The following BEND5 variants were observed in gnomAD, a reference collection of about 807,000 sequenced individuals.
BEND5 encodes the protein BEN domain containing 5.
A neutral mutation model predicts 43.9 loss-of-function variants in BEND5; 22 were observed. The ratio of observed to expected loss-of-function variants is 0.50; its 90% CI spans 0.36 to 0.72. The LOEUF (loss-of-function observed/expected upper bound fraction) is 0.72. Among genes scored for constraint, BEND5 ranks in the 30% least tolerant of loss-of-function variants. The pLI is 0.00. For missense variants in BEND5, 428 were observed against 550.6 expected (o/e 0.78, Z 2.23); for synonymous variants, 228 against 225.9 (o/e 1.01, Z -0.08).
At chr1:48,735,378 G>A (rs1162265071) in intron 5 of BEND5, among the ~76,000 whole-genome samples, 1 of 151,968 alleles carries the variant, frequency 6.6e-6, no homozygotes, top group Non-Finnish European at 1.5e-5. Context: ...GCAAAGAATG[G>A]ATGGATGGAG....
intron 5 of BEND5, among the ~76,000 whole-genome samples, chr1:48,732,520 G>A (rs1250422592): frequency 6.6e-6 from 1 of 150,898 alleles, no homozygotes; most frequent in Admixed American, 6.6e-5. Flanking sequence ...ACTTGGAGTA[G>A]GGTGATGTGA....
chr1:48,744,111 A>G (rs1372715391), intron 3 of BEND5, among the ~76,000 whole-genome samples: 1 of 152,196 alleles, frequency 6.6e-6, no homozygotes, highest in Non-Finnish European at 1.5e-5. Flanking sequence ...TTACAGATAT[A>G]GAACCTGGCA....
intron 5 of BEND5, among the ~76,000 whole-genome samples, chr1:48,731,381 T>C (rs1648101156): frequency 6.6e-6 from 1 of 152,216 alleles, no homozygotes; most frequent in South Asian, 2.1e-4. Context: ...ATGTATGGCC[T>C]TGGGCAAGTT....
intron 3 of BEND5, among the ~76,000 whole-genome samples, chr1:48,750,576 T>G (rs1651544413): frequency 6.6e-6 from 1 of 152,206 alleles, no homozygotes; most frequent in Admixed American, 6.5e-5. Flanking sequence ...TGTCTGCTGT[T>G]GAGACTGTGA....
rs549619887 is a variant in BEND5 at position 48,757,814 on chromosome 1, G to A, written c.745+1086C>T. 6.5e-4 allele frequency among the ~76,000 whole-genome samples: 99 copies of A among 152,184 alleles called. No homozygotes were observed. In the Middle Eastern group the frequency reaches 0.01, roughly 16 times the overall value. ...AAATTGTATTTTATTTAAACTTTGG[G>A]GATATTTCTAGACTAGATTACCACC... is the stretch of plus-strand genomic sequence containing the variant. On this transcript the variant is annotated intron_variant, in intron 3 of 5. Coordinates refer to ENST00000371833, the MANE Select transcript of BEND5 (RefSeq NM_024603.4).
chr1:48,728,494 T>C (rs1362705655), intron 5 of BEND5, among the ~76,000 whole-genome samples: 1 of 152,040 alleles, frequency 6.6e-6, no homozygotes. Context: ...TTTTTTTTTT[T>C]TTTTACTCAA....
At chr1:48,757,920 C>T (rs569922469) in intron 3 of BEND5, among the ~76,000 whole-genome samples, 2 of 152,208 alleles carry the variant, frequency 1.3e-5, no homozygotes, top group East Asian at 1.9e-4. Context: ...TGTGTTATAC[C>T]GATTTCCTCA....
intron 5 of BEND5, among the ~76,000 whole-genome samples, chr1:48,735,267 G>A (rs1648837487): frequency 1.3e-5 from 2 of 152,160 alleles, no homozygotes; most frequent in Non-Finnish European, 2.9e-5. Flanking sequence ...AGAGTAACTA[G>A]TTGTTTTTGT....
At chr1:48,770,688 C>G (rs1488660495) in intron 1 of BEND5, among the ~76,000 whole-genome samples, 1 of 152,168 alleles carries the variant, frequency 6.6e-6, no homozygotes, top group Non-Finnish European at 1.5e-5. Flanking sequence ...CGACAGGTCT[C>G]AAGCTACTCA....
intron 4 of BEND5, among the ~76,000 whole-genome samples, chr1:48,741,583 C>A (rs1649916440): frequency 6.6e-6 from 1 of 152,250 alleles, no homozygotes; most frequent in Non-Finnish European, 1.5e-5. Flanking sequence ...CCAAGAGAGT[C>A]CTGAAAACTA....
intron 4 of BEND5, among the ~76,000 whole-genome samples, chr1:48,741,597 C>A (rs192334587): frequency 2.4e-3 from 359 of 152,358 alleles, no homozygotes; most frequent in Non-Finnish European, 3.4e-3. Flanking sequence ...AAAACTAATA[C>A]GTTTCATTTC....
At chr1:48,740,163 A>C (rs569409846) in intron 4 of BEND5, among the ~76,000 whole-genome samples, 2 of 152,350 alleles carry the variant, frequency 1.3e-5, no homozygotes, top group Admixed American at 1.3e-4. Context: ...AGAACACAGA[A>C]AGAAATGGGC....
chr1:48,757,720 T>A (rs531525982), intron 3 of BEND5, among the ~76,000 whole-genome samples: 1 of 152,344 alleles, frequency 6.6e-6, no homozygotes, highest in East Asian at 1.9e-4. Flanking sequence ...AGGGTAAGAA[T>A]AAATCAAAGA....
intron 4 of BEND5, among the ~76,000 whole-genome samples, chr1:48,741,912 A>G (rs1206115564): frequency 2.0e-5 from 3 of 152,238 alleles, no homozygotes; most frequent in Non-Finnish European, 4.4e-5. Flanking sequence ...ATTGAATGTT[A>G]GAAGAATGTC....
chr1:48,771,590 G>A (rs1557976047), intron 1 of BEND5, among the ~76,000 whole-genome samples: 1 of 152,166 alleles, frequency 6.6e-6, no homozygotes, highest in Non-Finnish European at 1.5e-5. Flanking sequence ...TTGCTCCAAT[G>A]TATATCAGCA....
At chr1:48,732,670 A>G (rs546724776) in intron 5 of BEND5, among the ~76,000 whole-genome samples, 44 of 152,244 alleles carry the variant, frequency 2.9e-4, no homozygotes, top group African/African-American at 8.4e-4. Context: ...GCTACAGCAC[A>G]ATAGCAAATG....
intron 5 of BEND5, among the ~76,000 whole-genome samples, chr1:48,730,429 C>T (rs1319108113): frequency 1.3e-5 from 2 of 152,186 alleles, no homozygotes. Flanking sequence ...ACCAGAGAAT[C>T]TAAGAAGATT....
chr1:48,776,480 C>T, intron 1 of BEND5, 126 bp downstream of exon 1: 1 of 702,056 alleles, frequency 1.4e-6, no homozygotes, highest in Non-Finnish European at 2.1e-6. Flanking sequence ...GCCCAGAGGA[C>T]GGGAGAAGGA....
At chr1:48,733,478 C>A (rs377279051) in intron 5 of BEND5, among the ~76,000 whole-genome samples, 2 of 152,068 alleles carry the variant, frequency 1.3e-5, no homozygotes, top group Non-Finnish European at 2.9e-5. Flanking sequence ...TTGATTGATG[C>A]GAACTATCAT....
Sources: gnomAD v4.1 joint callset for allele counts (sites outside exome capture counted in the v4.1 genomes callset) on GRCh38, gnomAD v4.1.1 for gene constraint, MANE v1.5 for transcripts, NCBI Gene and HGNC (gene_info 2026-07-23, HGNC 2026-07-21) for gene names.